SGCD: variants seen among roughly 807,000 people sequenced by gnomAD.
SGCD encodes delta-sarcoglycan.
Under a neutral mutation model 36.6 loss-of-function variants are expected in SGCD, and 18 were observed. That is an observed-to-expected ratio of 0.49 (90% CI 0.34 to 0.73). The LOEUF is 0.73. Ranked by LOEUF, SGCD falls within the 30% of genes least tolerant of loss-of-function variation. The probability of loss-of-function intolerance (pLI) is 0.01; values close to 1 mark genes in which losing one functional copy is unlikely to be tolerated. For synonymous variants in SGCD, 133 were observed against 130.6 expected (o/e 1.02, Z -0.12); for missense variants, 387 against 346.7 (o/e 1.12, Z -0.92).
At chr5:156,071,697 T>G (rs1373798567) in intron 1 of SGCD, among the ~76,000 whole-genome samples, 1 of 152,232 alleles carries the variant, frequency 6.6e-6, no homozygotes, top group African/African-American at 2.4e-5. Flanking sequence ...GTTAACTTTC[T>G]GTCTCATTGA....
At chr5:156,438,707 A>G (rs1235694522) in intron 3 of SGCD, among the ~76,000 whole-genome samples, 1 of 152,108 alleles carries the variant, frequency 6.6e-6, no homozygotes, top group African/African-American at 2.4e-5. Flanking sequence ...AGGGAAACTT[A>G]ACCAAATGGT....
chr5:156,464,746 C>T (rs572615279), intron 3 of SGCD, among the ~76,000 whole-genome samples: 1 of 152,222 alleles, frequency 6.6e-6, no homozygotes, highest in South Asian at 2.1e-4. Context: ...ACGAACATGG[C>T]TTGCACAATA....
chr5:156,121,473 T>C (rs185718686), intron 2 of SGCD, among the ~76,000 whole-genome samples: 1 of 152,172 alleles, frequency 6.6e-6, no homozygotes, highest in East Asian at 1.9e-4. Flanking sequence ...CAAAGCCTAG[T>C]TCTTAAACAT....
At chr5:156,702,491 G>A (rs1754565986) in intron 7 of SGCD, among the ~76,000 whole-genome samples, 1 of 152,016 alleles carries the variant, frequency 6.6e-6, no homozygotes, top group African/African-American at 2.4e-5. Flanking sequence ...GAAGCGTACT[G>A]AAACTCATCC....
At chr5:156,082,768 A>G (rs1189714848) in intron 1 of SGCD, among the ~76,000 whole-genome samples, 1 of 152,214 alleles carries the variant, frequency 6.6e-6, no homozygotes, top group Non-Finnish European at 1.5e-5. Flanking sequence ...AAATTGGATA[A>G]ACGTCCAGGA....
the SGCD span, among the ~76,000 whole-genome samples, chr5:155,841,188 A>G: frequency 1.3e-5 from 2 of 152,056 alleles, no homozygotes; most frequent in South Asian, 4.1e-4. Context: ...GATTAATGGG[A>G]GAAAAGATGT....
At chr5:156,489,582 CTG>C (rs922750653) in intron 3 of SGCD, among the ~76,000 whole-genome samples, 7 of 152,008 alleles carry the variant, frequency 4.6e-5, no homozygotes, top group Non-Finnish European at 8.8e-5. Flanking sequence ...ACTTTGGAAA[CTG>C]TGCAAATACA....
rs1469477841 is a variant in SGCD, at chr5:156,767,508, A to G, written c.*8118A>G. 6.8e-6 allele frequency: 1 copy of G among 145,992 alleles called. No homozygotes were observed. Among genetic ancestry groups the G allele is most frequent in the Non-Finnish European group, 1.5e-5 (1 of 66,600 alleles). The allele number at this position is 145,992 out of a possible 1,614,324, so 9.0% of individuals were successfully genotyped here. A position where few individuals can be genotyped will look rare whatever the true frequency, so the allele number is the denominator to read the frequency against. ...TGAAAAAAAAAAAAAAAAAAAACCC[A>G]TTCCCATAAAGTAATTGAGTTCAGC... On this transcript the variant is annotated 3_prime_UTR_variant, in exon 9 of 9. Coordinates refer to ENST00000337851, the MANE Select transcript of SGCD (RefSeq NM_000337.6).
intron 1 of SGCD, among the ~76,000 whole-genome samples, chr5:155,976,957 T>C (rs1414112811): frequency 3.3e-5 from 5 of 152,172 alleles, no homozygotes; most frequent in African/African-American, 1.2e-4. Flanking sequence ...TTGAAATGCA[T>C]ATTGGATCCC....
chr5:156,715,352 C>T (rs1755170406), intron 7 of SGCD, among the ~76,000 whole-genome samples: 1 of 152,312 alleles, frequency 6.6e-6, no homozygotes, highest in South Asian at 2.1e-4. Context: ...TGAAGTCAGA[C>T]TTCAAACTCA....
intron 1 of SGCD, among the ~76,000 whole-genome samples, chr5:156,043,509 G>T (rs779868232): frequency 6.6e-6 from 1 of 152,160 alleles, no homozygotes; most frequent in Non-Finnish European, 1.5e-5. Context: ...CTGGGAAAGT[G>T]GGGGCAAAGA....
intron 3 of SGCD, among the ~76,000 whole-genome samples, chr5:156,286,476 A>AT (rs1766600413): frequency 6.6e-6 from 1 of 152,264 alleles, no homozygotes; most frequent in African/African-American, 2.4e-5. Flanking sequence ...TATATACACC[A>AT]TGGAATACTA....
At chr5:156,702,844 G>A (rs1754579113) in intron 7 of SGCD, among the ~76,000 whole-genome samples, 1 of 152,134 alleles carries the variant, frequency 6.6e-6, no homozygotes, top group South Asian at 2.1e-4. Flanking sequence ...ATGGTGAACA[G>A]CTTTAAAATA....
chr5:156,445,588 G>A (rs1376370458), intron 3 of SGCD, among the ~76,000 whole-genome samples: 1 of 152,056 alleles, frequency 6.6e-6, no homozygotes, highest in African/African-American at 2.4e-5. Flanking sequence ...CTAAGGAGCT[G>A]GACTAGCGGG....
At chr5:156,567,184 TA>T (rs1251641788) in intron 4 of SGCD, among the ~76,000 whole-genome samples, 1 of 152,150 alleles carries the variant, frequency 6.6e-6, no homozygotes, top group East Asian at 1.9e-4. Flanking sequence ...TCATATGAAA[TA>T]ATTCTTTAGT....
chr5:156,193,683 CA>C (rs1046371332), intron 3 of SGCD, among the ~76,000 whole-genome samples: 38 of 152,206 alleles, frequency 2.5e-4, no homozygotes, highest in Admixed American at 1.3e-4. Flanking sequence ...CTGCTCCTGT[CA>C]GTGGAGATCT....
At chr5:155,789,943 T>C in the SGCD span, among the ~76,000 whole-genome samples, 24 of 152,234 alleles carry the variant, frequency 1.6e-4, no homozygotes, top group African/African-American at 5.5e-4. Context: ...TAGTAGTTCT[T>C]CTTTTTCATG....
chr5:156,584,666 A>T (rs1275205948), intron 4 of SGCD, among the ~76,000 whole-genome samples: 2 of 151,806 alleles, frequency 1.3e-5, no homozygotes, highest in Non-Finnish European at 2.9e-5. Flanking sequence ...TCACCTAGAG[A>T]CTCAACATCT....
chr5:155,895,689 A>G (rs912836785), intron 1 of SGCD, among the ~76,000 whole-genome samples: 12 of 40,372 alleles, frequency 3.0e-4, no homozygotes, highest in South Asian at 9.9e-4. Flanking sequence ...AATGGCACCA[A>G]AAAAAAAAAA....
Sources: gnomAD v4.1 joint callset for allele counts (sites outside exome capture counted in the v4.1 genomes callset) on GRCh38, gnomAD v4.1.1 for gene constraint, MANE v1.5 for transcripts, NCBI Gene and HGNC (gene_info 2026-07-23, HGNC 2026-07-21) for gene names.